DNAH17: variants seen among roughly 807,000 people sequenced by gnomAD.
DNAH17 encodes axonemal beta dynein heavy chain 17.
DNAH17 carries 376 observed loss-of-function variants against 485.6 expected under a neutral mutation model. The observed-to-expected ratio is 0.77, with a 90% CI of 0.71 to 0.84. The LOEUF (loss-of-function observed/expected upper bound fraction) is 0.84, where lower values mean the gene tolerates loss of function less well. Among genes scored for constraint, DNAH17 ranks in the 40% least tolerant of loss-of-function variants. DNAH17 has a pLI of 0.00. For missense variants in DNAH17, 6,370 were observed against 5,839.3 expected (o/e 1.09, Z -2.96); for synonymous variants, 3,031 against 2,405.9 (o/e 1.26, Z -7.60).
At chr17:78,555,946 G>T (rs1190121066) in intron 14 of DNAH17, among the ~76,000 whole-genome samples, 1 of 152,238 alleles carries the variant, frequency 6.6e-6, no homozygotes, top group Non-Finnish European at 1.5e-5. Context: ...TCCCCTAGTT[G>T]TCAGGCTTTG....
rs2090458184 is a variant in DNAH17 at position 78,505,499 on chromosome 17, G to A, written c.4804-54C>T. The A allele has an allele frequency of 4.3e-6, 7 of 1,611,392 alleles. No homozygotes were observed. The South Asian group carries it at 6.6e-5, about 15-fold the overall frequency. Reference sequence around the variant, plus strand: ...GCAACGGGGGATTTGAAAGGCATGTGCGTGGCTTGGGCTTTCCGTGGGTGG... The same window carrying A: ...GCAACGGGGGATTTGAAAGGCATGTACGTGGCTTGGGCTTTCCGTGGGTGG... On this transcript the variant is annotated intron_variant, in intron 30 of 80. Coordinates refer to ENST00000389840, the MANE Select transcript of DNAH17 (RefSeq NM_173628.4).
intron 80 of DNAH17, 48 bp downstream of exon 80, chr17:78,425,298 T>TA: frequency 6.4e-7 from 1 of 1,566,936 alleles, no homozygotes; most frequent in Non-Finnish European, 8.7e-7. Context: ...TCTTGGCAAG[T>TA]AGCACTGGCT....
Position 78,472,757 on chromosome 17 carries a change from C to G in DNAH17, c.8511+2521G>C, listed in dbSNP as rs56063946. Reference sequence around the variant, plus strand: ...CTCGCTGGCCCTGGTTTCCCCTCCCCCTCCGTTCTCCCTTCTCGTCGCACC... The same window carrying G: ...CTCGCTGGCCCTGGTTTCCCCTCCCGCTCCGTTCTCCCTTCTCGTCGCACC... On this transcript the variant is annotated intron_variant, in intron 54 of 80. Coordinates refer to ENST00000389840, the MANE Select transcript of DNAH17 (RefSeq NM_173628.4). 495 of 454,940 alleles carry G rather than the reference C, an allele frequency of 1.1e-3. 7 individuals are homozygous for G. The highest frequency in any genetic ancestry group is 6.9e-3 in the South Asian group (444 of 64,282). 28.2% of individuals were successfully genotyped at this position (454,940 alleles called of 1,614,324 possible). A position where few individuals can be genotyped will look rare whatever the true frequency, so the allele number is the denominator to read the frequency against.
intron 12 of DNAH17, 130 bp from the exon 13 acceptor site, chr17:78,561,065 C>T (rs1218834568): frequency 2.4e-6 from 2 of 822,402 alleles, no homozygotes; most frequent in African/African-American, 1.7e-5. Flanking sequence ...GGCTCACAGA[C>T]TGAATATGCA....
At position 78,570,268 on chromosome 17, in the gene DNAH17, G is replaced by C; in HGVS notation, c.1023C>G (p.Phe341Leu). The change falls in exon 7 of 81, where the codon TTC becomes TTG. Residue 341 changes from phenylalanine to leucine, a missense_variant. Physicochemically the swap from Phe to Leu is conservative, Grantham distance 22. Transcript: ENST00000389840. Reference sequence around the variant, plus strand: ...TTACCATCTCGATGATTTGGTTGCAGAACTCCTGCAGGATGACGATGATCC... The same window carrying C: ...TTACCATCTCGATGATTTGGTTGCACAACTCCTGCAGGATGACGATGATCC... ...PARIIVILQE[F>L]CNQIIEMTRT... The C allele has an allele frequency of 1.3e-6, 2 of 1,591,250 alleles. No individual in the cohort carries two copies. Among genetic ancestry groups the C allele is most frequent in the East Asian group, 2.3e-5 (1 of 43,958 alleles).
intron 33 of DNAH17, 90 bp from the exon 34 acceptor site, chr17:78,501,963 A>C (rs745788067): frequency 8.4e-5 from 129 of 1,541,214 alleles, no homozygotes; most frequent in Non-Finnish European, 1.1e-4. Context: ...TGCATAGGGA[A>C]CACCACCATG....
intron 19 of DNAH17, among the ~76,000 whole-genome samples, chr17:78,535,643 C>T (rs537468563): frequency 1.3e-5 from 2 of 152,304 alleles, no homozygotes; most frequent in South Asian, 2.1e-4. Flanking sequence ...ATTCAAACAA[C>T]GCAGAAATGC....
chr17:78,537,707 G>C (rs2091415590), intron 18 of DNAH17, among the ~76,000 whole-genome samples: 1 of 152,236 alleles, frequency 6.6e-6, no homozygotes, highest in Non-Finnish European at 1.5e-5. Context: ...TTGGGGCAAG[G>C]GGAGGGGCAG....
At position 78,507,920 on chromosome 17, in the gene DNAH17, C is replaced by T. The variant is rs984113450; in HGVS notation, c.4237-115G>A. On this transcript the variant is annotated intron_variant, in intron 27 of 80. Transcript: ENST00000389840. ...TCCATGATCAGAAAGCAAAAAGGCTCAAACCAACGTATTCACAGGAGCCAA... is the reference window on the plus strand; with the variant it reads ...TCCATGATCAGAAAGCAAAAAGGCTTAAACCAACGTATTCACAGGAGCCAA... 3 of 988,114 alleles carry T rather than the reference C, an allele frequency of 3.0e-6. No homozygotes were observed. The African/African-American group carries it at 4.9e-5, about 16-fold the overall frequency. 61.2% of individuals were successfully genotyped at this position (988,114 alleles called of 1,614,324 possible).
At chr17:78,530,047 C>T (rs919429268) in intron 21 of DNAH17, among the ~76,000 whole-genome samples, 2 of 152,252 alleles carry the variant, frequency 1.3e-5, no homozygotes, top group Non-Finnish European at 2.9e-5. Context: ...CCCACAGCTG[C>T]CAGTCTGTTT....
chr17:78,555,648 T>C (rs185368345), intron 14 of DNAH17, among the ~76,000 whole-genome samples: 147 of 150,216 alleles, frequency 9.8e-4, no homozygotes, highest in African/African-American at 3.5e-3. Context: ...CATGAAATAA[T>C]GTGGCCGCGA....
intron 54 of DNAH17, among the ~76,000 whole-genome samples, chr17:78,470,368 G>A (rs188248451): frequency 5.9e-4 from 88 of 148,350 alleles, no homozygotes; most frequent in Admixed American, 1.8e-3. Flanking sequence ...GTGCCCAGCC[G>A]AAAATGTCTA....
rs1343446768 is a variant in DNAH17, at chr17:78,574,788, G to T, written c.270C>A (p.Asp90Glu). ...IKTKSENINK[D>E]NYRARLLYGD... The stretch of plus-strand genomic sequence containing the variant: ...CGTAAAGGAGCCGGGCCCTGTAGTT[G>T]TCCTTGTTGATGTTCTCGGACTTTG... Residue 90 changes from aspartate to glutamate, a missense_variant, in exon 2 of 81, where the codon GAC (aspartate) becomes GAA (glutamate). Transcript: ENST00000389840. The T allele has an allele frequency of 6.2e-7, 1 of 1,613,892 alleles. No homozygotes were observed. Among genetic ancestry groups the T allele is most frequent in the Admixed American group, 1.7e-5 (1 of 60,006 alleles).
intron 79 of DNAH17, 31 bp downstream of exon 79, chr17:78,426,426 T>TA: frequency 6.4e-7 from 1 of 1,564,906 alleles, no homozygotes; most frequent in Non-Finnish European, 8.7e-7. Flanking sequence ...CCCCGAGTCT[T>TA]AGGAAGCCTC....
chr17:78,471,460 C>T (rs561068407), intron 54 of DNAH17, among the ~76,000 whole-genome samples: 7 of 152,326 alleles, frequency 4.6e-5, no homozygotes, highest in African/African-American at 1.4e-4. Flanking sequence ...CTTCTCATTT[C>T]ACAGTGTAGC....
At chr17:78,472,673 G>A (rs762831568) in intron 54 of DNAH17, 26 of 450,242 alleles carry the variant, frequency 5.8e-5, no homozygotes, top group African/African-American at 3.4e-4. Context: ...TGAAGGTTTC[G>A]GATCCTGGAC....
chr17:78,564,596 T>C (rs1011767860), intron 11 of DNAH17, among the ~76,000 whole-genome samples: 1 of 152,060 alleles, frequency 6.6e-6, no homozygotes, highest in Admixed American at 6.6e-5. Flanking sequence ...TGTGTTATCC[T>C]TCAGGGGCTC....
chr17:78,424,303 G>C, intron 80 of DNAH17, 150 bp from the exon 81 acceptor site: 1 of 988,226 alleles, frequency 1.0e-6, no homozygotes, highest in South Asian at 1.7e-5. Flanking sequence ...GCTGGAAGCA[G>C]AGGCCTTCGT....
chr17:78,459,316 G>A, intron 60 of DNAH17, 108 bp from the exon 61 acceptor site: 1 of 1,070,938 alleles, frequency 9.3e-7, no homozygotes, highest in Non-Finnish European at 1.4e-6. Context: ...TGGAGGGGCA[G>A]CGCTGGGATT....
Sources: gnomAD v4.1 joint callset for allele counts (sites outside exome capture counted in the v4.1 genomes callset) on GRCh38, gnomAD v4.1.1 for gene constraint, MANE v1.5 for transcripts, NCBI Gene and HGNC (gene_info 2026-07-23, HGNC 2026-07-21) for gene names.